Variants in UGCG observed in about 807,000 individuals in gnomAD.
UGCG encodes ceramide glucosyltransferase.
A neutral mutation model predicts 49.5 loss-of-function variants in UGCG; 10 were observed. The observed-to-expected ratio is 0.20, with a 90% CI of 0.12 to 0.34. The LOEUF is 0.34. Among genes scored for constraint, UGCG ranks in the 10% least tolerant of loss-of-function variants. The pLI is 1.00. For missense variants in UGCG, 312 were observed against 483.7 expected (o/e 0.65, Z 3.33); for synonymous variants, 182 against 158.2 (o/e 1.15, Z -1.13).
intron 1 of UGCG, among the ~76,000 whole-genome samples, chr9:111,899,228 G>GCA (rs1837722785): frequency 2.0e-5 from 3 of 152,140 alleles, no homozygotes; most frequent in Admixed American, 1.3e-4. Flanking sequence ...GAATTATTGG[G>GCA]CCAGAAGTGG....
intron 2 of UGCG, among the ~76,000 whole-genome samples, chr9:111,916,725 C>G (rs1838118259): frequency 6.6e-6 from 1 of 151,568 alleles, no homozygotes; most frequent in Non-Finnish European, 1.5e-5. Flanking sequence ...CTCAGCCTCC[C>G]AAAGTGCTGG....
At chr9:111,929,452 CT>C in intron 5 of UGCG, 47 bp from the exon 6 acceptor site, 1 of 1,564,320 alleles carries the variant, frequency 6.4e-7, no homozygotes, top group Non-Finnish European at 8.7e-7. Flanking sequence ...GAACACCATG[CT>C]TTTAACATGA....
At chr9:111,929,300 G>T in intron 5 of UGCG, 200 bp from the exon 6 acceptor site, 3 of 421,510 alleles carry the variant, frequency 7.1e-6, no homozygotes, top group East Asian at 4.0e-5. Context: ...AGTTTTATTT[G>T]GATGCATTTT....
intron 1 of UGCG, among the ~76,000 whole-genome samples, chr9:111,912,233 T>C (rs1328154737): frequency 2.0e-5 from 3 of 151,942 alleles, no homozygotes; most frequent in Non-Finnish European, 2.9e-5. Flanking sequence ...AGATGAACTC[T>C]GTAGAGCAAT....
chr9:111,926,313 T>C lies in UGCG; in HGVS notation c.446-71T>C, dbSNP rs1423752720. 1.8e-5 allele frequency: 16 copies of C among 869,222 alleles called. No homozygotes were observed. In the East Asian group the frequency reaches 4.1e-4, roughly 22 times the overall value. The allele number at this position is 869,222 out of a possible 1,614,324, so 53.8% of individuals were successfully genotyped here. A position where few individuals can be genotyped will look rare whatever the true frequency, so the allele number is the denominator to read the frequency against. ...TAATAACAATTCACAAAATATATTTTATATTAATGGGCATTCTACTAAAAA... is the reference window on the plus strand; with the variant it reads ...TAATAACAATTCACAAAATATATTTCATATTAATGGGCATTCTACTAAAAA... On this transcript the variant is annotated intron_variant, in intron 4 of 8. Coordinates refer to ENST00000374279, the MANE Select transcript of UGCG (RefSeq NM_003358.3).
intron 1 of UGCG, among the ~76,000 whole-genome samples, chr9:111,902,877 G>A (rs751742240): frequency 1.5e-4 from 22 of 151,680 alleles, no homozygotes; most frequent in Non-Finnish European, 2.5e-4. Flanking sequence ...TTCTGGGTTT[G>A]AGTGATTCTT....
intron 1 of UGCG, among the ~76,000 whole-genome samples, chr9:111,908,028 T>G (rs1380522410): frequency 6.6e-6 from 1 of 151,890 alleles, no homozygotes; most frequent in Non-Finnish European, 1.5e-5. Context: ...ATTTTTTGGT[T>G]GTTTCAGGTG....
At chr9:111,924,047 C>G (rs1167837332) in intron 3 of UGCG, among the ~76,000 whole-genome samples, 1 of 152,150 alleles carries the variant, frequency 6.6e-6, no homozygotes, top group Non-Finnish European at 1.5e-5. Flanking sequence ...CTCGACCTCC[C>G]AAAGTGCTGG....
In UGCG at chr9:111,929,581, T is replaced by A; in HGVS notation, c.640T>A (p.Leu214Ile). ...GFKCVTGMSCLMRKDVLDQAG... is the reference protein window; with the variant it reads ...GFKCVTGMSCIMRKDVLDQAG... ...CAAATGTGTGACAGGAATGTCTTGT[T>A]TAATGAGAAAAGATGTGTTGGATCA... The change falls in exon 6 of 9, where the codon TTA (leucine) becomes ATA (isoleucine). Residue 214 changes from leucine (L) to isoleucine (I), a missense_variant. Physicochemically the swap from Leu to Ile is conservative, Grantham distance 5. Around this residue, in one of 4 missense-constraint regions of UGCG, gnomAD observed 180 missense variants for 320.4 expected, o/e 0.56. Transcript: ENST00000374279. 1 of 1,614,074 alleles carries A rather than the reference T, an allele frequency of 6.2e-7. No homozygotes were observed. The highest frequency in any genetic ancestry group is 1.1e-5 in the South Asian group (1 of 91,078).
chr9:111,929,403 A>C, intron 5 of UGCG, 97 bp from the exon 6 acceptor site: 2 of 1,271,844 alleles, frequency 1.6e-6, no homozygotes, highest in Non-Finnish European at 2.1e-6. Flanking sequence ...TATTCACTCA[A>C]TCATACTTAT....
At chr9:111,902,812 C>G (rs2131714099) in intron 1 of UGCG, among the ~76,000 whole-genome samples, 1 of 150,384 alleles carries the variant, frequency 6.6e-6, no homozygotes, top group East Asian at 2.0e-4. Flanking sequence ...GAGTCTCATT[C>G]TGTTGCCCAG....
chr9:111,926,919 C>CTGGA (rs967076211), intron 5 of UGCG, among the ~76,000 whole-genome samples: 2 of 113,924 alleles, frequency 1.8e-5, no homozygotes, highest in Non-Finnish European at 3.3e-5. Flanking sequence ...GTTGCCCAGG[C>CTGGA]TGGAGTGCAG....
At chr9:111,911,733 A>G (rs1222818291) in intron 1 of UGCG, among the ~76,000 whole-genome samples, 1 of 151,360 alleles carries the variant, frequency 6.6e-6, no homozygotes, top group Non-Finnish European at 1.5e-5. Flanking sequence ...CCCCATCTCC[A>G]TAAAAAAATA....
At chr9:111,921,802 A>ATTT (rs71373800) in intron 2 of UGCG, among the ~76,000 whole-genome samples, 9,421 of 55,268 alleles carry the variant, frequency 0.17, 2,560 homozygotes, top group African/African-American at 0.34. Flanking sequence ...CCCCAGGGTG[A>ATTT]TTTTTTTTTT....
intron 6 of UGCG, among the ~76,000 whole-genome samples, 187 bp from the exon 7 acceptor site, chr9:111,931,084 G>A (rs755518465): frequency 6.6e-6 from 1 of 152,074 alleles, no homozygotes; most frequent in East Asian, 1.9e-4. Flanking sequence ...GTGCTGTCAC[G>A]GGCCAGCATA....
chr9:111,911,078 G>C (rs1837987893), intron 1 of UGCG, among the ~76,000 whole-genome samples: 1 of 152,024 alleles, frequency 6.6e-6, no homozygotes, highest in Admixed American at 6.6e-5. Context: ...ATTTCACTGA[G>C]GACTGAATCC....
intron 1 of UGCG, 140 bp from the exon 2 acceptor site, chr9:111,914,465 T>G (rs538697442): frequency 1.2e-6 from 1 of 810,430 alleles, no homozygotes; most frequent in Admixed American, 2.9e-5. Flanking sequence ...CTTCCCTTCA[T>G]GTTTAGATCC....
chr9:111,914,627 G>T lies in UGCG; in HGVS notation c.121G>T (p.Ala41Ser), dbSNP rs1838078372. Reference sequence around the variant, plus strand: ...TAGCCGATTACACCTCAACAAGAAGGCAACTGACAAACAGCCTTATAGCAA... The same window carrying T: ...TAGCCGATTACACCTCAACAAGAAGTCAACTGACAAACAGCCTTATAGCAA... ...IYTRLHLNKK[A>S]TDKQPYSKLP... Residue 41 changes from alanine (A) to serine (S), a missense_variant, in exon 2 of 9, where the codon GCA becomes TCA. This residue lies in a region of UGCG where 65 missense variants were observed against 74.7 expected (regional missense o/e 0.87). Transcript: ENST00000374279. The T allele has an allele frequency of 6.2e-7, 1 of 1,613,698 alleles. No individual in the cohort carries two copies. The highest frequency in any genetic ancestry group is 1.3e-5 in the African/African-American group (1 of 74,890).
intron 1 of UGCG, among the ~76,000 whole-genome samples, chr9:111,904,675 A>T (rs930080586): frequency 3.3e-5 from 5 of 152,186 alleles, no homozygotes; most frequent in Non-Finnish European, 7.3e-5. Flanking sequence ...AGCCTGGCCA[A>T]CATGGGGAAA....
Sources: gnomAD v4.1 joint callset for allele counts (sites outside exome capture counted in the v4.1 genomes callset) on GRCh38, gnomAD v4.1.1 for gene constraint, gnomAD v4.1.1 regional missense constraint, MANE v1.5 for transcripts, NCBI Gene and HGNC (gene_info 2026-07-23, HGNC 2026-07-21) for gene names.